The following EXOSC10 variants were observed in gnomAD, a reference collection of about 807,000 sequenced individuals.
EXOSC10 encodes exosome component 10, also known as exosome complex component 10.
Under a neutral mutation model 126.6 loss-of-function variants are expected in EXOSC10, and 94 were observed. The ratio of observed to expected loss-of-function variants is 0.74; its 90% CI spans 0.63 to 0.88. The LOEUF is 0.88. Among genes scored for constraint, EXOSC10 ranks in the 40% least tolerant of loss-of-function variants. EXOSC10 has a pLI of 0.00. For missense variants in EXOSC10, 1,041 were observed against 1,100.5 expected (o/e 0.95, Z 0.77); for synonymous variants, 395 against 400.8 (o/e 0.99, Z 0.17).
At chr1:11,076,790 A>T in intron 17 of EXOSC10, 52 bp downstream of exon 17, 1 of 1,357,498 alleles carries the variant, frequency 7.4e-7, no homozygotes, top group East Asian at 2.3e-5. Flanking sequence ...GAATAAATCC[A>T]GTAAATCCCA....
Position 11,066,627 on chromosome 1 carries a change from G to T in EXOSC10, c.*91C>A. On this transcript the variant is annotated 3_prime_UTR_variant, in exon 25 of 25. Coordinates refer to ENST00000376936, the MANE Select transcript of EXOSC10 (RefSeq NM_001001998.3). ...AAAGTCAGGAATCAGCTTTCTTCAG[G>T]AAGAATTTTAATGGTTTAAAAATAT... 6.9e-7 allele frequency: 1 copy of T among 1,456,618 alleles called. No individual in the cohort carries two copies. The highest frequency in any genetic ancestry group is 9.6e-7 in the Non-Finnish European group (1 of 1,038,960). The allele number at this position is 1,456,618 out of a possible 1,614,324, so 90.2% of individuals were successfully genotyped here.
Position 11,080,561 on chromosome 1 carries a change from A to ACACACAC in EXOSC10, c.1587-13_1587-12insGTGTGTG, listed in dbSNP as rs1557704190. 73 of 1,504,920 alleles carry ACACACAC rather than the reference A, an allele frequency of 4.9e-5. No individual in the cohort carries two copies. The African/African-American group carries it at 1.2e-3, about 24-fold the overall frequency. 93.2% of individuals were successfully genotyped at this position (1,504,920 alleles called of 1,614,324 possible). On this transcript the variant is annotated splice_polypyrimidine_tract_variant and intron_variant, in intron 12 of 24. Transcript: ENST00000376936. ...TTGGCAGTACATATCTGGAAAAAAAAAAACACACACACACACACACACACA... is the reference window on the plus strand; with the variant it reads ...TTGGCAGTACATATCTGGAAAAAAAACACACACAAACACACACACACACACACACACA...
In EXOSC10 at chr1:11,070,984, GAGA is replaced by G; in HGVS notation, c.2243-14_2243-12del. 1 of 1,613,344 alleles carries G rather than the reference GAGA, an allele frequency of 6.2e-7. No homozygotes were observed. The highest frequency in any genetic ancestry group is 8.5e-7 in the Non-Finnish European group (1 of 1,179,690). ...CCTGTTCCCGGGCAGCTGCAAGGGA[GAGA>G]ACTTGTCTCTGGAGTTGGTGAATCC... On this transcript the variant is annotated splice_polypyrimidine_tract_variant and intron_variant, in intron 20 of 24. Coordinates refer to ENST00000376936, the MANE Select transcript of EXOSC10 (RefSeq NM_001001998.3).
chr1:11,084,687 G>T (rs994970605), intron 9 of EXOSC10, among the ~76,000 whole-genome samples: 6 of 152,206 alleles, frequency 3.9e-5, no homozygotes, highest in Non-Finnish European at 7.3e-5. Flanking sequence ...TCTTAGACAT[G>T]AAGTCCTTGC....
At position 11,079,725 on chromosome 1, in the gene EXOSC10, T is replaced by A. The variant is rs777699191; in HGVS notation, c.1735A>T (p.Met579Leu). The stretch of plus-strand genomic sequence containing the variant: ...AAGCTTCTTACCTTGAGCAGGGGCA[T>A]CTCTCGGGCCTGCTGGATTAAAAGG... ...MHLLIQQARE[M>L]PLLKSEVAAG... is the part of the protein sequence containing the mutation. Residue 579 changes from methionine to leucine, a missense_variant, in exon 14 of 25, where the codon ATG becomes TTG. Physicochemically the swap from Met to Leu is conservative, Grantham distance 15. This residue lies in a region of EXOSC10 where 388 missense variants were observed against 415.2 expected (regional missense o/e 0.93). Coordinates refer to ENST00000376936, the MANE Select transcript of EXOSC10 (RefSeq NM_001001998.3). The A allele has an allele frequency of 6.2e-7, 1 of 1,613,556 alleles. No individual in the cohort carries two copies. The highest frequency in any genetic ancestry group is 2.2e-5 in the East Asian group (1 of 44,844).
chr1:11,083,018 T>C, intron 9 of EXOSC10, 140 bp from the exon 10 acceptor site: 1 of 693,316 alleles, frequency 1.4e-6, no homozygotes, highest in Non-Finnish European at 2.4e-6. Flanking sequence ...TGGTGTGATC[T>C]TGGCTCACTG....
chr1:11,095,639 G>A lies in EXOSC10; in HGVS notation c.372+119C>T, dbSNP rs565948031. On this transcript the variant is annotated intron_variant, in intron 3 of 24. Transcript: ENST00000376936. ...TGAGGCAGGAGAGTGTTGTGAACCC[G>A]GGAGGCAGAGCTTGCAGTGAGTCGA... The A allele has an allele frequency of 5.1e-4, 451 of 888,434 alleles. 8 individuals are homozygous for A. The South Asian group carries it at 5.5e-3, about 11-fold the overall frequency. The allele number at this position is 888,434 out of a possible 1,614,324, so 55.0% of individuals were successfully genotyped here. A position where few individuals can be genotyped will look rare whatever the true frequency, so the allele number is the denominator to read the frequency against.
chr1:11,090,442 G>C (rs1388535686), intron 6 of EXOSC10, 112 bp downstream of exon 6: 1 of 858,230 alleles, frequency 1.2e-6, no homozygotes, highest in Non-Finnish European at 1.9e-6. Flanking sequence ...TGGGGTGTAA[G>C]GAGGAAATCA....
chr1:11,068,776 G>A (rs920326654), intron 22 of EXOSC10, 70 bp from the exon 23 acceptor site: 14 of 1,260,414 alleles, frequency 1.1e-5, no homozygotes, highest in South Asian at 4.8e-5. Context: ...GGCTCACAGC[G>A]AGGCCGGGAC....
chr1:11,095,436 G>A (rs1272927858), intron 3 of EXOSC10: 4 of 213,692 alleles, frequency 1.9e-5, no homozygotes, highest in Admixed American at 5.0e-5. Context: ...AGGGAAGGCC[G>A]GGTGTGGTGG....
rs183823391 is a variant in EXOSC10 at position 11,068,735 on chromosome 1, C to A, written c.2489-29G>T. 8.2e-6 allele frequency: 13 copies of A among 1,585,456 alleles called. No individual in the cohort carries two copies. The East Asian group carries it at 2.5e-4, about 30-fold the overall frequency. ...AAAGGTAAGAGATGAGAGAGACCTG[C>A]GGTCAGGTCAATGAGTTACCACACA... On this transcript the variant is annotated intron_variant, in intron 22 of 24. Transcript: ENST00000376936.
At chr1:11,080,937 A>G in intron 11 of EXOSC10, 25 bp from the exon 12 acceptor site, 1 of 1,589,430 alleles carries the variant, frequency 6.3e-7, no homozygotes, top group South Asian at 1.1e-5. Flanking sequence ...AGAACATTCA[A>G]AATCAACGGG....
chr1:11,087,700 T>A (rs1640571808), intron 8 of EXOSC10, 100 bp downstream of exon 8: 1 of 1,500,316 alleles, frequency 6.7e-7, no homozygotes, highest in Admixed American at 2.1e-5. Context: ...GATTAATTTT[T>A]TACCAAAAAA....
chr1:11,080,748 A>G lies in EXOSC10; in HGVS notation c.1586+16T>C, dbSNP rs142952583. On this transcript the variant is annotated intron_variant, in intron 12 of 24. Transcript: ENST00000376936. Reference sequence around the variant, plus strand: ...CAGTCTGGAAACAAGTATTAAAAGAACCTCTAATCCCTTACCCGTAACTTT... The same window carrying G: ...CAGTCTGGAAACAAGTATTAAAAGAGCCTCTAATCCCTTACCCGTAACTTT... 1.2e-3 allele frequency: 1,939 copies of G among 1,613,410 alleles called. 28 individuals carry two copies. The South Asian group carries it at 0.012, about 10-fold the overall frequency.
rs944770595 is a variant in EXOSC10, at chr1:11,077,173, T to G, written c.1879+192A>C. 4.7e-6 allele frequency: 3 copies of G among 638,134 alleles called. No individual in the cohort carries two copies. The South Asian group carries it at 5.8e-5, about 12-fold the overall frequency. 39.5% of individuals were successfully genotyped at this position (638,134 alleles called of 1,614,324 possible). On this transcript the variant is annotated intron_variant, in intron 16 of 24. Transcript: ENST00000376936. ...TGCCAGCTAATTTTTGTATTTTTAG[T>G]AGAGATGGGGTTTCACCATGTTGGC...
chr1:11,095,689 G>A (rs1570862644), intron 3 of EXOSC10, 69 bp downstream of exon 3: 11 of 1,466,354 alleles, frequency 7.5e-6, no homozygotes, highest in East Asian at 2.3e-5. Flanking sequence ...ACTCCAGCCT[G>A]GGCGACAGAG....
In EXOSC10 at chr1:11,095,530, G is replaced by T. The variant is rs1173431968; in HGVS notation, c.372+228C>A. On this transcript the variant is annotated intron_variant, in intron 3 of 24. Transcript: ENST00000376936. ...AGATCGAGACCATCCTGGCTAACAC[G>T]GTGAAACCCCGTCTCTACTAAAAAT... 6 of 353,832 alleles carry T rather than the reference G, an allele frequency of 1.7e-5. No individual in the cohort carries two copies. The Admixed American group carries it at 1.9e-4, about 11-fold the overall frequency. 21.9% of individuals were successfully genotyped at this position (353,832 alleles called of 1,614,324 possible).
intron 7 of EXOSC10, 68 bp downstream of exon 7, chr1:11,088,055 A>G (rs1002560772): frequency 4.3e-6 from 6 of 1,379,802 alleles, no homozygotes; most frequent in South Asian, 2.4e-5. Context: ...AATTGCATCA[A>G]TGAATCTACT....
At chr1:11,072,333 G>A in intron 19 of EXOSC10, 162 bp from the exon 20 acceptor site, 1 of 580,666 alleles carries the variant, frequency 1.7e-6, no homozygotes, top group Non-Finnish European at 3.0e-6. Flanking sequence ...ATTTCATGCT[G>A]GCTTTATTGC....
Sources: gnomAD v4.1 joint callset for allele counts (sites outside exome capture counted in the v4.1 genomes callset) on GRCh38, gnomAD v4.1.1 for gene constraint, gnomAD v4.1.1 regional missense constraint, MANE v1.5 for transcripts, NCBI Gene and HGNC (gene_info 2026-07-23, HGNC 2026-07-21) for gene names.